TBCK: variants seen among roughly 807,000 people sequenced by gnomAD.
TBCK encodes TBC1 domain containing kinase.
A neutral mutation model predicts 113.4 loss-of-function variants in TBCK; 99 were observed. That is an observed-to-expected ratio of 0.87 (90% CI 0.74 to 1.03). The LOEUF is 1.03. Ranked by LOEUF, TBCK falls within the 50% of genes least tolerant of loss-of-function variation. The probability of loss-of-function intolerance (pLI) is 0.00; values close to 1 mark genes in which losing one functional copy is unlikely to be tolerated. For missense variants in TBCK, 1,045 were observed against 1,061.3 expected (o/e 0.98, Z 0.21); for synonymous variants, 369 against 370.8 (o/e 1.00, Z 0.05).
At chr4:106,207,664 A>C (rs1433916987) in intron 20 of TBCK, among the ~76,000 whole-genome samples, 1 of 152,222 alleles carries the variant, frequency 6.6e-6, no homozygotes, top group Non-Finnish European at 1.5e-5. Context: ...TGAAACATTA[A>C]ATCTGTTCAC....
chr4:106,173,838 T>C (rs1751312922), intron 22 of TBCK, among the ~76,000 whole-genome samples: 1 of 148,584 alleles, frequency 6.7e-6, no homozygotes, highest in South Asian at 2.1e-4. Flanking sequence ...AAGTAATCTC[T>C]CATTACATGG....
chr4:106,302,767 G>A (rs1171071396), intron 2 of TBCK, among the ~76,000 whole-genome samples: 1 of 152,164 alleles, frequency 6.6e-6, no homozygotes, highest in Non-Finnish European at 1.5e-5. Context: ...AGAATCTGTA[G>A]CTGGATTAAG....
chr4:106,200,300 G>A (rs563710503), intron 20 of TBCK, among the ~76,000 whole-genome samples: 2 of 152,142 alleles, frequency 1.3e-5, no homozygotes, highest in African/African-American at 4.8e-5. Context: ...CAGCACTTTG[G>A]GAGGCCAAAG....
chr4:106,258,551 A>G (rs572797966), intron 5 of TBCK, among the ~76,000 whole-genome samples: 5 of 152,172 alleles, frequency 3.3e-5, no homozygotes, highest in African/African-American at 1.2e-4. Flanking sequence ...CACAAGACCA[A>G]TTCTATCCAA....
intron 25 of TBCK, among the ~76,000 whole-genome samples, chr4:106,058,093 T>G (rs1735637488): frequency 6.6e-6 from 1 of 151,770 alleles, no homozygotes; most frequent in Admixed American, 6.6e-5. Context: ...ATCAAATATT[T>G]ATTGAGTGTT....
Position 106,139,871 on chromosome 4 carries a change from T to C in TBCK, c.2236-23493A>G, listed in dbSNP as rs1323591344. 1.4e-5 allele frequency among the ~76,000 whole-genome samples: 2 copies of C among 141,080 alleles called. 1 individual carries two copies. The highest frequency in any genetic ancestry group is 3.2e-5 in the Non-Finnish European group (2 of 62,090). 92.6% of individuals were successfully genotyped at this position (141,080 alleles called of 152,430 possible). ...TTATTCATTTAAGCTCTGAATAAAGTTCTACATTCTGAAACACAAATTGGG... is the reference window on the plus strand; with the variant it reads ...TTATTCATTTAAGCTCTGAATAAAGCTCTACATTCTGAAACACAAATTGGG... On this transcript the variant is annotated intron_variant, in intron 23 of 25. Coordinates refer to ENST00000394708, the MANE Select transcript of TBCK (RefSeq NM_001163435.3).
intron 25 of TBCK, among the ~76,000 whole-genome samples, chr4:106,049,578 A>G (rs1734585704): frequency 6.6e-6 from 1 of 152,026 alleles, no homozygotes; most frequent in Non-Finnish European, 1.5e-5. Flanking sequence ...TCATACATGG[A>G]GAAGATATAC....
At chr4:106,245,685 A>G (rs1760718259) in intron 10 of TBCK, among the ~76,000 whole-genome samples, 1 of 152,174 alleles carries the variant, frequency 6.6e-6, no homozygotes, top group Non-Finnish European at 1.5e-5. Context: ...ATACTACTAA[A>G]AGTGGCTTAT....
Position 106,239,659 on chromosome 4 carries a change from T to G in TBCK, c.1170+2811A>C, listed in dbSNP as rs1759872272. Among the ~76,000 whole-genome samples, 4 of 151,982 alleles carry G rather than the reference T, an allele frequency of 2.6e-5. No individual in the cohort carries two copies. In the South Asian group the frequency reaches 8.3e-4, roughly 32 times the overall value. On this transcript the variant is annotated intron_variant, in intron 12 of 25. Transcript: ENST00000394708. ...GAGCAAGTTTAAAGGCCTTAAAACA[T>G]ATAACTTTAGAAAATGATTTAAAAA...
intron 24 of TBCK, among the ~76,000 whole-genome samples, chr4:106,096,874 G>A (rs1037248478): frequency 2.6e-5 from 4 of 152,106 alleles, no homozygotes; most frequent in Non-Finnish European, 2.9e-5. Flanking sequence ...GTTCAGCCAC[G>A]TATTAGAAAA....
At chr4:106,299,743 G>A (rs917215284) in intron 2 of TBCK, among the ~76,000 whole-genome samples, 2 of 152,064 alleles carry the variant, frequency 1.3e-5, no homozygotes, top group Admixed American at 1.3e-4. Flanking sequence ...TAGTTTCACA[G>A]AATAAAGCAT....
upstream of TBCK, chr4:106,316,335 A>T (rs1035162697): frequency 1.2e-5 from 7 of 565,588 alleles, no homozygotes; most frequent in African/African-American, 1.3e-4. Context: ...ATATAGCGAG[A>T]GAGAAAGAGG....
Position 106,305,887 on chromosome 4 carries a change from G to A in TBCK, c.193+2881C>T, listed in dbSNP as rs911839638. 7.9e-5 allele frequency among the ~76,000 whole-genome samples: 12 copies of A among 152,232 alleles called. 1 individual carries two copies. In the South Asian group the frequency reaches 1.7e-3, roughly 21 times the overall value. On this transcript the variant is annotated intron_variant, in intron 2 of 25. Transcript: ENST00000394708. ...GCAACGTCAGGAAGTGACCTTATACGGTCTGAAAAGGGGACGCATGAATAA... is the reference window on the plus strand; with the variant it reads ...GCAACGTCAGGAAGTGACCTTATACAGTCTGAAAAGGGGACGCATGAATAA...
At chr4:106,216,990 C>G (rs953712518) in intron 19 of TBCK, among the ~76,000 whole-genome samples, 18 of 152,172 alleles carry the variant, frequency 1.2e-4, no homozygotes, top group African/African-American at 4.3e-4. Flanking sequence ...CAAACCAAAT[C>G]CAGCAGCACA....
At chr4:106,294,193 A>C (rs1024026961) in intron 3 of TBCK, among the ~76,000 whole-genome samples, 4 of 148,494 alleles carry the variant, frequency 2.7e-5, no homozygotes, top group African/African-American at 7.5e-5. Context: ...TCAGGAAAAT[A>C]ATCTTTTTTT....
chr4:106,250,435 T>G lies in TBCK; in HGVS notation c.641A>C (p.Lys214Thr). 1 of 1,567,886 alleles carries G rather than the reference T, an allele frequency of 6.4e-7. No homozygotes were observed. Among genetic ancestry groups the G allele is most frequent in the Non-Finnish European group, 8.7e-7 (1 of 1,148,342 alleles). ...ACACTTACCCAAAGTAAGCAAAAAT[T>G]TTAGTCTTTCAGAAATATCCAAGCT... ...FQSLDISERL[K>T]FLLTLDCVDD... Residue 214 changes from lysine to threonine, a missense_variant, in exon 7 of 26, where the codon AAA (lysine) becomes ACA (threonine). Lys to Thr is a moderately conservative substitution (Grantham distance 78). Coordinates refer to ENST00000394708, the MANE Select transcript of TBCK (RefSeq NM_001163435.3).
intron 19 of TBCK, among the ~76,000 whole-genome samples, chr4:106,216,310 G>A (rs1407959056): frequency 6.6e-6 from 1 of 151,664 alleles, no homozygotes; most frequent in Non-Finnish European, 1.5e-5. Flanking sequence ...AAAAGAACAA[G>A]AAAAGCAAGA....
At chr4:106,069,136 C>G (rs1256250941) in intron 25 of TBCK, among the ~76,000 whole-genome samples, 2 of 152,184 alleles carry the variant, frequency 1.3e-5, no homozygotes, top group Non-Finnish European at 2.9e-5. Flanking sequence ...TGTGCAGAAG[C>G]TCTTTAGTTT....
chr4:106,168,726 C>T (rs546741128), intron 23 of TBCK, among the ~76,000 whole-genome samples: 217 of 151,882 alleles, frequency 1.4e-3, no homozygotes, highest in Non-Finnish European at 2.2e-3. Flanking sequence ...AAAAATAATA[C>T]CACTTACATC....
Sources: allele counts gnomAD v4.1 joint callset (sites outside exome capture counted in the v4.1 genomes callset), GRCh38; gene constraint gnomAD v4.1.1; transcripts MANE v1.5; gene names NCBI Gene and HGNC (gene_info 2026-07-23, HGNC 2026-07-21).